ESR1: variants seen among roughly 807,000 people sequenced by gnomAD.
ESR1 encodes estrogen receptor 1, also known as estrogen receptor.
ESR1 carries 12 observed loss-of-function variants against 52.7 expected under a neutral mutation model. The ratio of observed to expected loss-of-function variants is 0.23; its 90% CI spans 0.15 to 0.37. The LOEUF (loss-of-function observed/expected upper bound fraction) is 0.37, where lower values mean the gene tolerates loss of function less well. Among genes scored for constraint, ESR1 ranks in the 10% least tolerant of loss-of-function variants. The pLI, the probability that ESR1 is intolerant of heterozygous loss-of-function variation, is 1.00. For synonymous variants in ESR1, 305 were observed against 316.8 expected (o/e 0.96, Z 0.39); for missense variants, 584 against 779.7 (o/e 0.75, Z 2.99).
intron 5 of ESR1, among the ~76,000 whole-genome samples, chr6:152,044,287 G>A (rs141690583): frequency 5.1e-4 from 78 of 152,218 alleles, no homozygotes; most frequent in African/African-American, 1.5e-3. Flanking sequence ...GCATTTTGGC[G>A]TCTAATCATA....
intron 4 of ESR1, among the ~76,000 whole-genome samples, chr6:151,974,453 T>G (rs1443047884): frequency 6.6e-6 from 1 of 152,174 alleles, no homozygotes; most frequent in African/African-American, 2.4e-5. Context: ...GATTACAGGA[T>G]CCATGATCTC....
chr6:151,863,251 G>A (rs1413274881), intron 2 of ESR1, among the ~76,000 whole-genome samples: 2 of 152,074 alleles, frequency 1.3e-5, no homozygotes, highest in African/African-American at 2.4e-5. Context: ...CCATTTTCAC[G>A]ATATTGATTC....
intron 5 of ESR1, among the ~76,000 whole-genome samples, chr6:152,032,892 A>G (rs748752366): frequency 1.3e-5 from 2 of 152,208 alleles, no homozygotes. Flanking sequence ...TTCAAACTAT[A>G]CTACAAGGCC....
Position 152,094,427 on chromosome 6 carries a change from A to C in ESR1, c.1412A>C (p.Glu471Ala), listed in dbSNP as rs759300906. Reference sequence around the variant, plus strand: ...TCCAGCACCCTGAAGTCTCTGGAAGAGAAGGACCATATCCACCGAGTCCTG... The same window carrying C: ...TCCAGCACCCTGAAGTCTCTGGAAGCGAAGGACCATATCCACCGAGTCCTG... Reference protein sequence around the residue: ...FLSSTLKSLEEKDHIHRVLDK... With the variant: ...FLSSTLKSLEAKDHIHRVLDK... Residue 471 changes from glutamate (E) to alanine (A), a missense_variant, in exon 7 of 8, where the codon GAG becomes GCG. Transcript: ENST00000206249. This position sits in a 1 kb window ranked among gnomAD's most constrained non-coding sequence, Gnocchi z 4.6. 6.2e-7 allele frequency: 1 copy of C among 1,614,164 alleles called. No individual in the cohort carries two copies. Among genetic ancestry groups the C allele is most frequent in the Non-Finnish European group, 8.5e-7 (1 of 1,180,020 alleles).
intron 1 of ESR1, among the ~76,000 whole-genome samples, chr6:151,667,248 A>G (rs916584876): frequency 6.6e-6 from 1 of 152,190 alleles, no homozygotes; most frequent in Non-Finnish European, 1.5e-5. Context: ...AACACTTGTC[A>G]TTTTATTAAA....
rs547265788 is a variant in ESR1, at chr6:151,824,722, G to A, written c.452+16358G>A. On this transcript the variant is annotated intron_variant, in intron 1 of 7. Transcript: ENST00000206249. ...GAGTTCTTGCTTTTGGGAGGCCAAGGCCTCCTGGCTAACATGATGAAACCT... is the reference window on the plus strand; with the variant it reads ...GAGTTCTTGCTTTTGGGAGGCCAAGACCTCCTGGCTAACATGATGAAACCT... 2.6e-5 allele frequency among the ~76,000 whole-genome samples: 4 copies of A among 152,140 alleles called. No homozygotes were observed. In the East Asian group the frequency reaches 7.7e-4, roughly 29 times the overall value.
intron 5 of ESR1, among the ~76,000 whole-genome samples, chr6:152,040,958 A>G (rs1167177860): frequency 6.6e-6 from 1 of 152,190 alleles, no homozygotes; most frequent in Non-Finnish European, 1.5e-5. Flanking sequence ...TTGATGATGG[A>G]ATGCTGCTGT....
rs539264583 is a variant in ESR1, at chr6:152,061,294, C to G, written c.1369+170C>G. On this transcript the variant is annotated intron_variant, in intron 6 of 7. Coordinates refer to ENST00000206249, the MANE Select transcript of ESR1 (RefSeq NM_000125.4). The surrounding 1 kb of genome is among the most constrained non-coding windows in gnomAD (Gnocchi z 4.3). ...TTGCAGATTCCTTATAAAGGTAGAACCATGCTAGCCAAATAGACACATGAA... is the reference window on the plus strand; with the variant it reads ...TTGCAGATTCCTTATAAAGGTAGAAGCATGCTAGCCAAATAGACACATGAA... 3.9e-5 allele frequency among the ~76,000 whole-genome samples: 6 copies of G among 152,260 alleles called. No individual in the cohort carries two copies. In the South Asian group the frequency reaches 1.2e-3, roughly 32 times the overall value.
At chr6:152,117,195 G>A (rs998206056) in intron 6 of ESR1, among the ~76,000 whole-genome samples, 6 of 152,198 alleles carry the variant, frequency 3.9e-5, no homozygotes, top group Non-Finnish European at 8.8e-5. Context: ...TGGGGCAAGG[G>A]GTGGACATGG....
At chr6:152,069,426 A>G (rs1206156775) in intron 6 of ESR1, among the ~76,000 whole-genome samples, 2 of 136,774 alleles carry the variant, frequency 1.5e-5, no homozygotes, top group Non-Finnish European at 3.0e-5. Context: ...TTTAGCATCA[A>G]AGATGTTATC....
At chr6:151,972,918 G>T (rs373787312) in intron 4 of ESR1, among the ~76,000 whole-genome samples, 1 of 152,164 alleles carries the variant, frequency 6.6e-6, no homozygotes, top group Non-Finnish European at 1.5e-5. Context: ...AAATTCGAGG[G>T]CAGGAAGCAT....
intron 4 of ESR1, among the ~76,000 whole-genome samples, chr6:151,958,944 A>G (rs998211196): frequency 1.3e-5 from 2 of 149,784 alleles, no homozygotes; most frequent in Non-Finnish European, 2.9e-5. Context: ...GTGGAGTTCT[A>G]CCGCTTCCAT....
chr6:152,057,387 A>T (rs781238080), intron 5 of ESR1, among the ~76,000 whole-genome samples: 12 of 152,298 alleles, frequency 7.9e-5, no homozygotes, highest in Middle Eastern at 3.4e-3. Context: ...TATTATGCAA[A>T]TAGTGGATTC....
intron 4 of ESR1, among the ~76,000 whole-genome samples, chr6:151,948,316 A>G (rs2035942108): frequency 6.6e-6 from 1 of 152,210 alleles, no homozygotes. Context: ...TCTCGAAAGC[A>G]ATTTTATACT....
At chr6:152,034,467 C>T (rs1584930077) in intron 5 of ESR1, among the ~76,000 whole-genome samples, 1 of 152,022 alleles carries the variant, frequency 6.6e-6, no homozygotes, top group Non-Finnish European at 1.5e-5. Context: ...TTATTTCTGT[C>T]ACTGTGCTGT....
At chr6:151,909,858 T>G (rs1367051674) in intron 3 of ESR1, among the ~76,000 whole-genome samples, 3 of 152,044 alleles carry the variant, frequency 2.0e-5, no homozygotes, top group Non-Finnish European at 4.4e-5. Context: ...AATTATAAGC[T>G]TCACCAGATC....
rs550337586 is a variant in ESR1, at chr6:151,723,174, G to A, written c.-71+21169G>A. ...CAAGTGGGAGCTATTAATCAATAGTGTGTACACATGGACATAGAGAGCAGA... is the reference window on the plus strand; with the variant it reads ...CAAGTGGGAGCTATTAATCAATAGTATGTACACATGGACATAGAGAGCAGA... On this transcript the variant is annotated intron_variant, in intron 2 of 2. Coordinates refer to the ESR1 transcript ENST00000404742. 2.6e-5 allele frequency among the ~76,000 whole-genome samples: 4 copies of A among 152,204 alleles called. No individual in the cohort carries two copies. In the East Asian group the frequency reaches 7.7e-4, roughly 29 times the overall value.
chr6:151,827,218 C>T (rs773259820), intron 1 of ESR1, among the ~76,000 whole-genome samples: 16 of 151,376 alleles, frequency 1.1e-4, no homozygotes, highest in Non-Finnish European at 1.5e-4. Context: ...GTCCCAATTG[C>T]TTGGGAGGCT....
chr6:151,792,508 T>G (rs1776266102), intron 2 of ESR1, among the ~76,000 whole-genome samples: 1 of 152,090 alleles, frequency 6.6e-6, no homozygotes, highest in Non-Finnish European at 1.5e-5. Flanking sequence ...GGCACAATCA[T>G]AGTTCACTAC....
Sources: gnomAD v4.1 joint callset for allele counts (sites outside exome capture counted in the v4.1 genomes callset) on GRCh38, gnomAD v4.1.1 for gene constraint, Gnocchi (gnomAD v3.1) non-coding constraint, MANE v1.5 for transcripts, NCBI Gene and HGNC (gene_info 2026-07-23, HGNC 2026-07-21) for gene names.